Variants in FAM227A observed in about 807,000 individuals in gnomAD.
The protein encoded by FAM227A is family with sequence similarity 227 member A.
A neutral mutation model predicts 74.7 loss-of-function variants in FAM227A; 80 were observed. That is an observed-to-expected ratio of 1.07 (90% CI 0.89 to 1.29). FAM227A has a LOEUF of 1.29. Among genes scored for constraint, FAM227A ranks in the 50% most tolerant of loss-of-function variants. The pLI is 0.00. For synonymous variants in FAM227A, 237 were observed against 241.8 expected, an observed-to-expected ratio of 0.98 and a Z score of 0.19; for missense variants, 654 against 683.4, an observed-to-expected ratio of 0.96 and a Z score of 0.48.
At chr22:38,631,956 G>T (rs1397001007) in intron 6 of FAM227A, among the ~76,000 whole-genome samples, 1 of 152,146 alleles carries the variant, frequency 6.6e-6, no homozygotes, top group African/African-American at 2.4e-5. Context: ...AGTGGCCAGT[G>T]GGAAGGGGAG....
chr22:38,645,433 T>C (rs1290776510), intron 3 of FAM227A, 130 bp downstream of exon 3: 4 of 617,656 alleles, frequency 6.5e-6, no homozygotes, highest in Admixed American at 7.0e-5. Context: ...AAAAATTAAC[T>C]TTGAATACTC....
At chr22:38,604,083 T>C (rs1190538914) in intron 13 of FAM227A, among the ~76,000 whole-genome samples, 1 of 152,026 alleles carries the variant, frequency 6.6e-6, no homozygotes, top group Non-Finnish European at 1.5e-5. Context: ...TCCCAGCACT[T>C]TGGGAGGCCG....
At chr22:38,655,131 C>G (rs977419524) in intron 1 of FAM227A, among the ~76,000 whole-genome samples, 1 of 149,694 alleles carries the variant, frequency 6.7e-6, no homozygotes, top group Non-Finnish European at 1.5e-5. Flanking sequence ...CAGAGCGAGA[C>G]TCTGTCTCGA....
intron 16 of FAM227A, among the ~76,000 whole-genome samples, chr22:38,590,678 A>G (rs962817465): frequency 6.6e-6 from 1 of 152,236 alleles, no homozygotes; most frequent in Non-Finnish European, 1.5e-5. Flanking sequence ...CATGAAGTAC[A>G]TAGGCCAACA....
In FAM227A at chr22:38,599,911, G is replaced by A. The variant is rs2091135397; in HGVS notation, c.1232C>T (p.Ala411Val). 6.5e-7 allele frequency: 1 copy of A among 1,547,618 alleles called. No homozygotes were observed. The highest frequency in any genetic ancestry group is 8.7e-7 in the Non-Finnish European group (1 of 1,145,468). ...TGAAGTCAGCTCAGGGCTTTTGCAG[G>A]CAGCACACGACTAAGGATGAAAGAA... The part of the protein sequence containing the change: ...ENMFPKKSCA[A>V]CKSPELTSNL... Residue 411 changes from alanine (A) to valine (V), a missense_variant, in exon 14 of 17, where the codon GCC becomes GTC. Physicochemically the swap from Ala to Val is moderately conservative, Grantham distance 64. Coordinates refer to ENST00000535113, the MANE Select transcript of FAM227A (RefSeq NM_001013647.2).
rs762882588 is a variant in FAM227A, at chr22:38,628,940, GA to G, written c.520-6del. On this transcript the variant is annotated splice_polypyrimidine_tract_variant and splice_region_variant and intron_variant, in intron 6 of 16. Coordinates refer to ENST00000535113, the MANE Select transcript of FAM227A (RefSeq NM_001013647.2). ...TTCTCTACCTGAACAGAAATGCTTG[GA>G]AAAAAAAATTCACAGTATTATTATT... 149 of 1,425,412 alleles carry G rather than the reference GA, an allele frequency of 1.0e-4. No individual in the cohort carries two copies. Among genetic ancestry groups the G allele is most frequent in the African/African-American group, 4.3e-4 (29 of 68,192 alleles). 88.3% of individuals were successfully genotyped at this position (1,425,412 alleles called of 1,614,324 possible).
chr22:38,620,398 A>G (rs5995598), intron 10 of FAM227A, 107 bp from the exon 11 acceptor site: 129,671 of 810,458 alleles, frequency 0.16, 10,998 homozygotes, highest in South Asian at 0.18. Flanking sequence ...GACACCCACC[A>G]GATCTAGGGT....
chr22:38,643,300 A>G (rs1483695264), intron 3 of FAM227A, among the ~76,000 whole-genome samples: 1 of 147,878 alleles, frequency 6.8e-6, no homozygotes, highest in Non-Finnish European at 1.5e-5. Flanking sequence ...CGGGTGACAG[A>G]GCAAGATTCT....
At chr22:38,596,875 GAT>G (rs898517288) in intron 15 of FAM227A, among the ~76,000 whole-genome samples, 1 of 152,116 alleles carries the variant, frequency 6.6e-6, no homozygotes, top group Non-Finnish European at 1.5e-5. Context: ...TAGTGATACG[GAT>G]ATATGGGCCC....
intron 6 of FAM227A, among the ~76,000 whole-genome samples, chr22:38,631,167 CAAA>C (rs891842387): frequency 1.3e-5 from 2 of 151,598 alleles, no homozygotes; most frequent in African/African-American, 4.9e-5. Flanking sequence ...GTGTCTTACT[CAAA>C]AAAACAAAAC....
At chr22:38,625,684 G>T (rs2091782406) in intron 9 of FAM227A, among the ~76,000 whole-genome samples, 1 of 152,104 alleles carries the variant, frequency 6.6e-6, no homozygotes, top group Non-Finnish European at 1.5e-5. Context: ...CATGGCTCAT[G>T]CCTGTAATCC....
intron 11 of FAM227A, among the ~76,000 whole-genome samples, chr22:38,609,366 A>G (rs539398420): frequency 1.7e-4 from 26 of 152,322 alleles, no homozygotes; most frequent in Non-Finnish European, 1.3e-4. Context: ...TCACAGGTGA[A>G]GGGGACAACA....
intron 12 of FAM227A, 141 bp downstream of exon 12, chr22:38,607,248 T>A (rs2091304096): frequency 3.5e-6 from 2 of 571,106 alleles, no homozygotes; most frequent in Non-Finnish European, 6.3e-6. Flanking sequence ...CATAAAATAT[T>A]ACTTGGTGCC....
Position 38,587,958 on chromosome 22 carries a change from C to A in FAM227A, c.1639-1759G>T, listed in dbSNP as rs1002909481. ...ATAAAAGAATGAAGGGAAAACCCTACATAATTATCTCAAATGATGCAGAGA... is the reference window on the plus strand; with the variant it reads ...ATAAAAGAATGAAGGGAAAACCCTAAATAATTATCTCAAATGATGCAGAGA... On this transcript the variant is annotated intron_variant, in intron 16 of 16. Transcript: ENST00000535113. Among the ~76,000 whole-genome samples the A allele has an allele frequency of 2.0e-5, 3 of 152,168 alleles. No individual in the cohort carries two copies. In the East Asian group the frequency reaches 5.8e-4, roughly 29 times the overall value.
chr22:38,636,762 C>T (rs2092014529), intron 5 of FAM227A, among the ~76,000 whole-genome samples, 165 bp from the exon 6 acceptor site: 2 of 144,760 alleles, frequency 1.4e-5, no homozygotes, highest in African/African-American at 5.2e-5. Flanking sequence ...CTCCTATCTA[C>T]ATTATTTCTT....
intron 15 of FAM227A, among the ~76,000 whole-genome samples, chr22:38,594,837 G>A (rs912518481): frequency 5.9e-5 from 9 of 152,100 alleles, no homozygotes; most frequent in South Asian, 4.1e-4. Context: ...GGTGGCTAAC[G>A]CCTGTAATCC....
rs1455969646 is a variant in FAM227A at position 38,650,127 on chromosome 22, G to T, written c.42C>A (p.Thr14=). 1 of 1,551,714 alleles carries T rather than the reference G, an allele frequency of 6.4e-7. No homozygotes were observed. Among genetic ancestry groups the T allele is most frequent in the Non-Finnish European group, 8.7e-7 (1 of 1,146,968 alleles). ...GCTCATCCACTGGTATCATAGGTAGGGTGGTGAGGTTGATGACCTCCATCT... is the reference window on the plus strand; with the variant it reads ...GCTCATCCACTGGTATCATAGGTAGTGTGGTGAGGTTGATGACCTCCATCT... ...FRKMEVINLT[T]LPMIPVDEHL... is the part of the protein sequence containing the mutation. The change falls in exon 2 of 17, where the codon ACC becomes ACA. Residue 14 remains threonine (T), a synonymous_variant. Coordinates refer to ENST00000535113, the MANE Select transcript of FAM227A (RefSeq NM_001013647.2).
At chr22:38,627,189 T>C (rs913933014) in intron 8 of FAM227A, among the ~76,000 whole-genome samples, 1 of 151,920 alleles carries the variant, frequency 6.6e-6, no homozygotes, top group Non-Finnish European at 1.5e-5. Context: ...TACATACATA[T>C]ATACCTATAT....
At chr22:38,618,626 T>C (rs1751955349) in intron 11 of FAM227A, 1 of 152,208 alleles carries the variant, frequency 6.6e-6, no homozygotes, top group South Asian at 2.1e-4. Context: ...TCAGTTTAAC[T>C]TGTAGGGCTC....
Sources: gnomAD v4.1 joint callset for allele counts (sites outside exome capture counted in the v4.1 genomes callset) on GRCh38, gnomAD v4.1.1 for gene constraint, MANE v1.5 for transcripts, NCBI Gene and HGNC (gene_info 2026-07-23, HGNC 2026-07-21) for gene names.